TMEM132C: variants seen among roughly 807,000 people sequenced by gnomAD.
The protein encoded by TMEM132C is protein phosphatase 1, regulatory subunit 152.
In TMEM132C, 29 loss-of-function variants were observed where a neutral mutation model predicts 61.4. That is an observed-to-expected ratio of 0.47 (90% CI 0.35 to 0.64). TMEM132C has a LOEUF of 0.64. Ranked by LOEUF, TMEM132C falls within the 30% of genes least tolerant of loss-of-function variation. The pLI is 0.00. For synonymous variants in TMEM132C, 656 were observed against 633.1 expected, an observed-to-expected ratio of 1.04 and a Z score of -0.54; for missense variants, 1,408 against 1,476.9, an observed-to-expected ratio of 0.95 and a Z score of 0.76.
At chr12:128,325,488 A>G (rs757456068) in intron 1 of TMEM132C, among the ~76,000 whole-genome samples, 2 of 152,184 alleles carry the variant, frequency 1.3e-5, no homozygotes, top group Non-Finnish European at 2.9e-5. Flanking sequence ...ATGTATCTAA[A>G]TATCTGTATA....
At chr12:128,359,376 C>T (rs1435624794) in intron 1 of TMEM132C, among the ~76,000 whole-genome samples, 2 of 152,160 alleles carry the variant, frequency 1.3e-5, no homozygotes, top group Admixed American at 1.3e-4. Flanking sequence ...TCTGGCAAGA[C>T]TTATTCACTA....
chr12:128,268,234 C>G (rs1386034899), intron 1 of TMEM132C, among the ~76,000 whole-genome samples: 5 of 152,222 alleles, frequency 3.3e-5, no homozygotes. Flanking sequence ...AGTGACGGCC[C>G]TGCTTTGGGT....
intron 4 of TMEM132C, among the ~76,000 whole-genome samples, chr12:128,665,620 G>GGCAC: frequency 1.9e-5 from 1 of 54,006 alleles, no homozygotes; most frequent in African/African-American, 1.5e-4. Flanking sequence ...CCCAAACACA[G>GGCAC]GCACACACAC....
intron 4 of TMEM132C, among the ~76,000 whole-genome samples, chr12:128,638,708 A>C (rs1048178609): frequency 6.6e-6 from 1 of 152,196 alleles, no homozygotes; most frequent in Non-Finnish European, 1.5e-5. Context: ...GAAAATATTT[A>C]TAGTAAAAGG....
intron 4 of TMEM132C, among the ~76,000 whole-genome samples, chr12:128,662,857 G>A (rs1954406151): frequency 6.6e-6 from 1 of 152,098 alleles, no homozygotes; most frequent in Non-Finnish European, 1.5e-5. Context: ...CCTTTCTCCA[G>A]ACCCTCATGA....
chr12:128,567,429 GACACACACACACACACACAC>G (rs140541188), intron 3 of TMEM132C, among the ~76,000 whole-genome samples: 22 of 136,332 alleles, frequency 1.6e-4, no homozygotes, highest in Admixed American at 5.2e-4. Context: ...CATACCCATA[GACACACACACACACACACAC>G]ACACACACAC....
intron 3 of TMEM132C, among the ~76,000 whole-genome samples, chr12:128,615,537 G>A (rs182857003): frequency 3.3e-5 from 5 of 152,230 alleles, no homozygotes; most frequent in Admixed American, 6.5e-5. Context: ...TTCATAAGGC[G>A]CACACAACCT....
intron 2 of TMEM132C, among the ~76,000 whole-genome samples, chr12:128,453,905 T>G (rs1870260521): frequency 1.3e-5 from 2 of 152,136 alleles, no homozygotes; most frequent in Non-Finnish European, 2.9e-5. Context: ...ATGTTCGATT[T>G]TTAAAAAAAT....
At chr12:128,393,996 T>G (rs928245710) in intron 1 of TMEM132C, among the ~76,000 whole-genome samples, 1 of 152,188 alleles carries the variant, frequency 6.6e-6, no homozygotes, top group South Asian at 2.1e-4. Context: ...GTTTTCACAC[T>G]GCTGATAAAG....
chr12:128,462,288 G>A (rs1870558879), intron 2 of TMEM132C, among the ~76,000 whole-genome samples: 1 of 152,122 alleles, frequency 6.6e-6, no homozygotes, highest in South Asian at 2.1e-4. Context: ...GTATTTTTTA[G>A]TAGAGACGGG....
chr12:128,281,236 G>C (rs1870886158), intron 1 of TMEM132C, among the ~76,000 whole-genome samples: 1 of 152,170 alleles, frequency 6.6e-6, no homozygotes, highest in South Asian at 2.1e-4. Flanking sequence ...CAATATCAGA[G>C]GCAAAATGAG....
intron 2 of TMEM132C, among the ~76,000 whole-genome samples, chr12:128,431,374 A>C (rs1565934343): frequency 6.6e-6 from 1 of 152,196 alleles, no homozygotes; most frequent in Non-Finnish European, 1.5e-5. Context: ...GAAAGAAATC[A>C]TCTCCATAAC....
At chr12:128,350,603 T>G (rs1873308647) in intron 1 of TMEM132C, among the ~76,000 whole-genome samples, 3 of 151,950 alleles carry the variant, frequency 2.0e-5, no homozygotes, top group Admixed American at 2.0e-4. Flanking sequence ...AGAGTGAGTG[T>G]GGGAAAGGGG....
At chr12:128,564,382 C>T (rs560711360) in intron 3 of TMEM132C, among the ~76,000 whole-genome samples, 1 of 152,298 alleles carries the variant, frequency 6.6e-6, no homozygotes, top group African/African-American at 2.4e-5. Context: ...TCAGCCATCA[C>T]AGCATCATCT....
rs142093171 is a variant in TMEM132C at position 128,325,555 on chromosome 12, G to A, written c.85+58068G>A. 6.9e-3 allele frequency among the ~76,000 whole-genome samples: 1,055 copies of A among 152,242 alleles called. 12 individuals carry two copies. The highest frequency in any genetic ancestry group is 0.024 in the African/African-American group (1,013 of 41,532). On this transcript the variant is annotated intron_variant, in intron 1 of 8. Transcript: ENST00000435159. ...GTATGTATATATGTATATACAGAGT[G>A]TATATTCTTCATGAAAGTTACTTAA... is the stretch of plus-strand genomic sequence containing the variant.
At chr12:128,685,234 G>C (rs117491581) in intron 5 of TMEM132C, among the ~76,000 whole-genome samples, 1 of 152,230 alleles carries the variant, frequency 6.6e-6, no homozygotes, top group Admixed American at 6.5e-5. Context: ...GTAAAAGGCC[G>C]TGAGAGTTAT....
intron 1 of TMEM132C, among the ~76,000 whole-genome samples, chr12:128,379,241 G>C (rs541238935): frequency 6.6e-6 from 1 of 152,184 alleles, no homozygotes; most frequent in African/African-American, 2.4e-5. Flanking sequence ...GGGGTCACAT[G>C]GTAGGTTGTT....
chr12:128,584,075 T>G (rs894669397), intron 3 of TMEM132C, among the ~76,000 whole-genome samples: 2 of 152,200 alleles, frequency 1.3e-5, no homozygotes, highest in African/African-American at 4.8e-5. Flanking sequence ...CAAGGCATAT[T>G]TCTTAATCCA....
Position 128,267,353 on chromosome 12 carries a change from G to C in TMEM132C, c.-50G>C. 1 of 992,078 alleles carries C rather than the reference G, an allele frequency of 1.0e-6. No individual in the cohort carries two copies. The highest frequency in any genetic ancestry group is 1.2e-6 in the Non-Finnish European group (1 of 833,934). The allele number at this position is 992,078 out of a possible 1,614,324, so 61.5% of individuals were successfully genotyped here. ...GGCGGCCGGCGGGGGCCGCGGGCGG[G>C]CGCTGCGCTTCGGGCTGGCGGCGGG... On this transcript the variant is annotated 5_prime_UTR_variant, in exon 1 of 9. Transcript: ENST00000435159.
Sources: allele counts gnomAD v4.1 joint callset (sites outside exome capture counted in the v4.1 genomes callset), GRCh38; gene constraint gnomAD v4.1.1; transcripts MANE v1.5; gene names NCBI Gene and HGNC (gene_info 2026-07-23, HGNC 2026-07-21).